XYLT1: variants seen among roughly 807,000 people sequenced by gnomAD.
The protein encoded by XYLT1 is xylosyltransferase 1.
A neutral mutation model predicts 91.3 loss-of-function variants in XYLT1; 36 were observed. The observed-to-expected ratio is 0.39, with a 90% CI of 0.30 to 0.52. The LOEUF is 0.52. XYLT1 is among the 20% of genes least tolerant of loss of function. The pLI, the probability that XYLT1 is intolerant of heterozygous loss-of-function variation, is 0.68. For synonymous variants in XYLT1, 588 were observed against 532.0 expected, an observed-to-expected ratio of 1.11 and a Z score of -1.45; for missense variants, 1,242 against 1,284.5, an observed-to-expected ratio of 0.97 and a Z score of 0.51.
intron 1 of XYLT1, among the ~76,000 whole-genome samples, chr16:17,467,363 C>T (rs988500458): frequency 1.2e-4 from 18 of 152,280 alleles, no homozygotes; most frequent in African/African-American, 3.4e-4. Flanking sequence ...TAGGCTGATC[C>T]TTGTGACAGT....
At chr16:17,135,784 A>G (rs2030695639) in intron 8 of XYLT1, among the ~76,000 whole-genome samples, 1 of 152,222 alleles carries the variant, frequency 6.6e-6, no homozygotes, top group African/African-American at 2.4e-5. Flanking sequence ...ATTCAGTAAA[A>G]GGCCAGACAG....
rs115260943 is a variant in XYLT1 at position 17,455,188 on chromosome 16, C to T, written c.363+15246G>A. ...GGCATGGGGTCAGAGTGGACGTGGC[C>T]GGGATCCCGGGGGCTGGTGGGCTCT... On this transcript the variant is annotated intron_variant, in intron 1 of 11. Transcript: ENST00000261381. Among the ~76,000 whole-genome samples, 363 of 152,124 alleles carry T rather than the reference C, an allele frequency of 2.4e-3. 1 individual carries two copies. Among genetic ancestry groups the T allele is most frequent in the African/African-American group, 8.5e-3 (352 of 41,474 alleles).
At chr16:17,417,126 C>T (rs1027366357) in intron 1 of XYLT1, among the ~76,000 whole-genome samples, 13 of 152,050 alleles carry the variant, frequency 8.5e-5, no homozygotes, top group African/African-American at 3.1e-4. Flanking sequence ...GATAGGGACA[C>T]CAAAAAGAAG....
At chr16:17,264,048 T>C (rs2033765212) in intron 2 of XYLT1, among the ~76,000 whole-genome samples, 1 of 152,202 alleles carries the variant, frequency 6.6e-6, no homozygotes, top group South Asian at 2.1e-4. Flanking sequence ...GTATTATTGT[T>C]GACTATGCAG....
chr16:17,332,435 T>G (rs1156811545), intron 2 of XYLT1, among the ~76,000 whole-genome samples: 3 of 151,872 alleles, frequency 2.0e-5, no homozygotes, highest in Non-Finnish European at 4.4e-5. Context: ...GGTGGTGTGC[T>G]CCTGTAATCC....
intron 5 of XYLT1, among the ~76,000 whole-genome samples, chr16:17,160,874 C>G (rs1465176881): frequency 6.6e-6 from 1 of 152,200 alleles, no homozygotes; most frequent in Non-Finnish European, 1.5e-5. Flanking sequence ...ATGTTTCTCT[C>G]CAAACCATAA....
At chr16:17,341,794 A>C (rs889430718) in intron 2 of XYLT1, among the ~76,000 whole-genome samples, 1 of 152,164 alleles carries the variant, frequency 6.6e-6, no homozygotes, top group African/African-American at 2.4e-5. Context: ...CGTATGCTCT[A>C]TCTCCTTTCA....
chr16:17,373,807 G>A (rs1405695812), intron 1 of XYLT1, among the ~76,000 whole-genome samples: 1 of 152,210 alleles, frequency 6.6e-6, no homozygotes, highest in African/African-American at 2.4e-5. Context: ...GATCCAGCTT[G>A]AGAACACTGC....
chr16:17,292,805 T>TG (rs2034251182), intron 2 of XYLT1, among the ~76,000 whole-genome samples: 1 of 152,152 alleles, frequency 6.6e-6, no homozygotes. Flanking sequence ...GTGGGGCACA[T>TG]GGGAATACAG....
At chr16:17,109,773 A>C (rs983629098) in intron 11 of XYLT1, among the ~76,000 whole-genome samples, 9 of 152,124 alleles carry the variant, frequency 5.9e-5, no homozygotes, top group Admixed American at 5.9e-4. Context: ...AATTTTGCTG[A>C]CTCCTGGGTT....
intron 2 of XYLT1, among the ~76,000 whole-genome samples, chr16:17,337,659 T>G (rs1230378127): frequency 6.6e-6 from 1 of 152,184 alleles, no homozygotes; most frequent in East Asian, 1.9e-4. Flanking sequence ...CACAAGAGGT[T>G]GTGGGACCAC....
At chr16:17,331,436 T>C (rs975340213) in intron 2 of XYLT1, among the ~76,000 whole-genome samples, 2 of 152,372 alleles carry the variant, frequency 1.3e-5, no homozygotes, top group Admixed American at 1.3e-4. Flanking sequence ...TCATTTAGTC[T>C]GTGGAAACAG....
At chr16:17,135,658 G>T (rs1375332437) in intron 8 of XYLT1, among the ~76,000 whole-genome samples, 1 of 152,158 alleles carries the variant, frequency 6.6e-6, no homozygotes, top group Non-Finnish European at 1.5e-5. Context: ...CCCAGAGATG[G>T]TAAGGGACTT....
At chr16:17,239,854 C>A (rs2033318974) in intron 3 of XYLT1, among the ~76,000 whole-genome samples, 1 of 152,152 alleles carries the variant, frequency 6.6e-6, no homozygotes, top group African/African-American at 2.4e-5. Context: ...TTTATCCATC[C>A]ATTAATTGAC....
At chr16:17,205,780 C>T (rs1378512342) in intron 3 of XYLT1, among the ~76,000 whole-genome samples, 1 of 152,094 alleles carries the variant, frequency 6.6e-6, no homozygotes, top group Non-Finnish European at 1.5e-5. Flanking sequence ...ATGCCCAGAC[C>T]ACAATTAATA....
intron 6 of XYLT1, among the ~76,000 whole-genome samples, chr16:17,154,875 C>T (rs1271318873): frequency 2.0e-5 from 3 of 152,164 alleles, no homozygotes; most frequent in African/African-American, 7.2e-5. Context: ...AACCGAGGCA[C>T]CCCGTGGCCT....
intron 5 of XYLT1, among the ~76,000 whole-genome samples, chr16:17,167,171 C>T (rs2031707640): frequency 1.3e-5 from 2 of 152,198 alleles, no homozygotes; most frequent in Admixed American, 6.5e-5. Flanking sequence ...TTTTCAATCC[C>T]GCTTTCCCCG....
chr16:17,135,563 C>CA (rs112216252), intron 8 of XYLT1, among the ~76,000 whole-genome samples: 41,224 of 116,916 alleles, frequency 0.35, 7,021 homozygotes, highest in East Asian at 0.75. Context: ...GAGTGTAGCT[C>CA]AAAAAAAAAA....
At chr16:17,185,891 C>T (rs1420692123) in intron 5 of XYLT1, among the ~76,000 whole-genome samples, 1 of 152,044 alleles carries the variant, frequency 6.6e-6, no homozygotes, top group Non-Finnish European at 1.5e-5. Flanking sequence ...ATCCCAGGTA[C>T]TTGGGAGGCT....
Sources: allele counts gnomAD v4.1 joint callset (sites outside exome capture counted in the v4.1 genomes callset), GRCh38; gene constraint gnomAD v4.1.1; transcripts MANE v1.5; gene names NCBI Gene and HGNC (gene_info 2026-07-23, HGNC 2026-07-21).